The following PRC1 variants were observed in gnomAD, a reference collection of about 807,000 sequenced individuals.
PRC1 encodes the protein protein regulator of cytokinesis 1, also known as anaphase spindle elongation 1 homolog.
Under a neutral mutation model 91.2 loss-of-function variants are expected in PRC1, and 54 were observed. That is an observed-to-expected ratio of 0.59 (90% CI 0.48 to 0.74). PRC1 has a LOEUF of 0.74. PRC1 is among the 30% of genes least tolerant of loss of function. The pLI, the probability that PRC1 is intolerant of heterozygous loss-of-function variation, is 0.00. For missense variants in PRC1, 727 were observed against 746.2 expected, an observed-to-expected ratio of 0.97 and a Z score of 0.30; for synonymous variants, 275 against 263.6, an observed-to-expected ratio of 1.04 and a Z score of -0.42.
At position 90,969,074 on chromosome 15, in the gene PRC1, C is replaced by T. The variant is rs368107691; in HGVS notation, c.1791+5G>A. The T allele has an allele frequency of 8.1e-6, 13 of 1,613,980 alleles. No homozygotes were observed. The highest frequency in any genetic ancestry group is 1.1e-5 in the Non-Finnish European group (13 of 1,179,992). On this transcript the variant is annotated splice_donor_5th_base_variant and intron_variant, in intron 14 of 14. Transcript: ENST00000394249. ...AAAGGGACATGCAGGGATTGCCATA[C>T]AGACCTGAAGCCCAACAGTGGAACT...
At chr15:90,980,558 GC>G in intron 6 of PRC1, 169 bp from the exon 7 acceptor site, 1 of 763,550 alleles carries the variant, frequency 1.3e-6, no homozygotes, top group Non-Finnish European at 1.9e-6. Flanking sequence ...TCACTCTCTC[GC>G]CCAGACAGGA....
chr15:90,990,127 G>A (rs2039876809), intron 1 of PRC1, among the ~76,000 whole-genome samples: 1 of 152,078 alleles, frequency 6.6e-6, no homozygotes, highest in South Asian at 2.1e-4. Context: ...CACGAGGTCA[G>A]GAGTTTGAGA....
chr15:90,968,987 TATTA>T lies in PRC1; in HGVS notation c.1791+88_1791+91del, dbSNP rs763296114. 4.6e-5 allele frequency: 73 copies of T among 1,597,136 alleles called. No individual in the cohort carries two copies. In the East Asian group the frequency reaches 8.5e-4, roughly 19 times the overall value. ...GCTTCCTTTGTAACACTGCTGAGAT[TATTA>T]GTTAGTGTAGCCCTGTGCCCAGATG... On this transcript the variant is annotated intron_variant, in intron 14 of 14. Coordinates refer to ENST00000394249, the MANE Select transcript of PRC1 (RefSeq NM_003981.4).
chr15:90,967,253 GCCCACCCTTCTAAGTT>G (rs2037583285), intron 14 of PRC1, 51 bp from the exon 15 acceptor site: 5 of 1,481,376 alleles, frequency 3.4e-6, no homozygotes, highest in Non-Finnish European at 4.7e-6. Context: ...CTTACACATG[GCCCACCCTTCTAAGTT>G]TGGTTAAGTG....
At chr15:90,990,120 G>A (rs1277149500) in intron 1 of PRC1, among the ~76,000 whole-genome samples, 7 of 151,974 alleles carry the variant, frequency 4.6e-5, no homozygotes, top group East Asian at 1.9e-4. Flanking sequence ...GGCGGATCAC[G>A]AGGTCAGGAG....
chr15:90,986,844 A>T (rs1199667880), intron 1 of PRC1, among the ~76,000 whole-genome samples: 1 of 151,566 alleles, frequency 6.6e-6, no homozygotes, highest in Non-Finnish European at 1.5e-5. Context: ...TCATTTTTTT[A>T]ATGAAGTAAA....
In PRC1 at chr15:90,972,059, G is replaced by T. The variant is rs556435008; in HGVS notation, c.1462-1545C>A. Among the ~76,000 whole-genome samples, 17 of 150,640 alleles carry T rather than the reference G, an allele frequency of 1.1e-4. No individual in the cohort carries two copies. In the South Asian group the frequency reaches 3.6e-3, roughly 32 times the overall value. Reference sequence around the variant, plus strand: ...ACAAAACCAAAAAAAACACATTTTAGGCCAGGCACAGTGGCTCATGCCTGT... The same window carrying T: ...ACAAAACCAAAAAAAACACATTTTATGCCAGGCACAGTGGCTCATGCCTGT... On this transcript the variant is annotated intron_variant, in intron 11 of 14. Transcript: ENST00000394249.
chr15:90,984,932 A>C lies in PRC1; in HGVS notation c.12-107T>G. The C allele has an allele frequency of 7.1e-7, 1 of 1,403,230 alleles. No homozygotes were observed. Among genetic ancestry groups the C allele is most frequent in the South Asian group, 1.4e-5 (1 of 73,732 alleles). 86.9% of individuals were successfully genotyped at this position (1,403,230 alleles called of 1,614,324 possible). On this transcript the variant is annotated intron_variant, in intron 1 of 14. Coordinates refer to ENST00000394249, the MANE Select transcript of PRC1 (RefSeq NM_003981.4). The surrounding 1 kb of genome is among the most constrained non-coding windows in gnomAD (Gnocchi z 5.1). Reference sequence around the variant, plus strand: ...ACTAGCTTCTCAGTGGCCTCGAGAAAAAAACAAATTGAAAACAAGCATTCA... The same window carrying C: ...ACTAGCTTCTCAGTGGCCTCGAGAACAAAACAAATTGAAAACAAGCATTCA...
intron 14 of PRC1, 91 bp downstream of exon 14, chr15:90,968,988 A>ATTAG (rs904201966): frequency 5.6e-6 from 9 of 1,598,046 alleles, no homozygotes; most frequent in Non-Finnish European, 7.7e-6. Flanking sequence ...TGCTGAGATT[A>ATTAG]TTAGTTAGTG....
chr15:90,980,278 G>C lies in PRC1; in HGVS notation c.934C>G (p.Gln312Glu). 2 of 1,613,400 alleles carry C rather than the reference G, an allele frequency of 1.2e-6. No individual in the cohort carries two copies. Among genetic ancestry groups the C allele is most frequent in the Non-Finnish European group, 1.7e-6 (2 of 1,179,852 alleles). The change falls in exon 7 of 15, where the codon CAG becomes GAG. Residue 312 changes from glutamine to glutamate, a missense_variant. Coordinates refer to ENST00000394249, the MANE Select transcript of PRC1 (RefSeq NM_003981.4). ...VQYWDQCFYS[Q>E]EQRQAFAPFC... The stretch of plus-strand genomic sequence containing the variant: ...GGGGCAAAAGCTTGTCTCTGCTCCT[G>C]GCTATAAAAGCACTGGTCCCAGTAC...
At position 90,974,872 on chromosome 15, in the gene PRC1, G is replaced by A. The variant is rs1396024943; in HGVS notation, c.1204-141C>T. 2 of 944,666 alleles carry A rather than the reference G, an allele frequency of 2.1e-6. No homozygotes were observed. The highest frequency in any genetic ancestry group is 1.6e-6 in the Non-Finnish European group (1 of 618,012). The allele number at this position is 944,666 out of a possible 1,614,324, so 58.5% of individuals were successfully genotyped here. On this transcript the variant is annotated intron_variant, in intron 9 of 14. Coordinates refer to ENST00000394249, the MANE Select transcript of PRC1 (RefSeq NM_003981.4). The surrounding 1 kb of genome is among the most constrained non-coding windows in gnomAD (Gnocchi z 4.6). ...AGGTAGCTGGGCCCACATGGGTACA[G>A]GTCAGAGTGACCAGAAATCAAAGCC...
chr15:90,983,956 C>T (rs1567200018), intron 3 of PRC1, 62 bp downstream of exon 3: 20 of 1,582,042 alleles, frequency 1.3e-5, no homozygotes, highest in East Asian at 2.3e-5. Flanking sequence ...CCCAAGTCAA[C>T]GTTGCTTTCT....
At chr15:90,983,799 G>T in intron 3 of PRC1, 1 of 441,084 alleles carries the variant, frequency 2.3e-6, no homozygotes, top group Non-Finnish European at 3.8e-6. Flanking sequence ...GCTTCTTTTT[G>T]ATCATCTATT....
chr15:90,984,046 C>A lies in PRC1; in HGVS notation c.239G>T (p.Cys80Phe). ...SVCQKELNTL[C>F]SELHVEPFQE... The stretch of plus-strand genomic sequence containing the variant: ...AAATGGCTCAACATGTAACTCGCTG[C>A]ACAGAGTGTTCAGCTCTTTCTGACA... Residue 80 changes from cysteine to phenylalanine, a missense_variant, in exon 3 of 15, where the codon TGC becomes TTC. Transcript: ENST00000394249. The surrounding 1 kb of genome is among the most constrained non-coding windows in gnomAD (Gnocchi z 5.1). 1 of 1,614,130 alleles carries A rather than the reference C, an allele frequency of 6.2e-7. No homozygotes were observed. Among genetic ancestry groups the A allele is most frequent in the African/African-American group, 1.3e-5 (1 of 75,044 alleles).
In PRC1 at chr15:90,967,117, C is replaced by T; in HGVS notation, c.*14G>A. ...GGCACAGGAAGCCACAGCTGGTTGACTGATCAGGGCTTCTCAGGACTGGAT... is the reference window on the plus strand; with the variant it reads ...GGCACAGGAAGCCACAGCTGGTTGATTGATCAGGGCTTCTCAGGACTGGAT... On this transcript the variant is annotated 3_prime_UTR_variant, in exon 15 of 15. Transcript: ENST00000394249. The T allele has an allele frequency of 1.9e-6, 3 of 1,610,226 alleles. No individual in the cohort carries two copies. The highest frequency in any genetic ancestry group is 1.1e-5 in the South Asian group (1 of 90,998).
Position 90,994,473 on chromosome 15 carries a change from G to T in PRC1, c.-56C>A. 1 of 1,588,908 alleles carries T rather than the reference G, an allele frequency of 6.3e-7. No homozygotes were observed. Among genetic ancestry groups the T allele is most frequent in the Admixed American group, 1.7e-5 (1 of 58,018 alleles). On this transcript the variant is annotated 5_prime_UTR_variant, in exon 1 of 15. Coordinates refer to ENST00000394249, the MANE Select transcript of PRC1 (RefSeq NM_003981.4). Reference sequence around the variant, plus strand: ...GTCCAGACCTACTCCACACGGCCCCGAGAGCAACAACCACCCGCAAACACC... The same window carrying T: ...GTCCAGACCTACTCCACACGGCCCCTAGAGCAACAACCACCCGCAAACACC...
chr15:90,968,693 T>C, intron 14 of PRC1: 2 of 1,045,950 alleles, frequency 1.9e-6, no homozygotes, highest in Non-Finnish European at 2.3e-6. Flanking sequence ...CTCCAGGAAA[T>C]AATCAGCACA....
intron 1 of PRC1, among the ~76,000 whole-genome samples, chr15:90,990,892 C>T (rs1329072280): frequency 6.6e-6 from 1 of 151,732 alleles, no homozygotes; most frequent in African/African-American, 2.4e-5. Context: ...GATTCTCCTG[C>T]CTCAGCCTCC....
At chr15:90,980,622 C>A in intron 6 of PRC1, 1 of 673,322 alleles carries the variant, frequency 1.5e-6, no homozygotes, top group Non-Finnish European at 2.4e-6. Context: ...CAGGCTCAAG[C>A]GATTCTCCTG....
Sources: allele counts gnomAD v4.1 joint callset (sites outside exome capture counted in the v4.1 genomes callset), GRCh38; gene constraint gnomAD v4.1.1; non-coding constraint Gnocchi (gnomAD v3.1); transcripts MANE v1.5; gene names NCBI Gene and HGNC (gene_info 2026-07-23, HGNC 2026-07-21).